HUWE1: variants seen among roughly 807,000 people sequenced by gnomAD.
HUWE1 encodes the protein E3 ubiquitin-protein ligase HUWE1.
In HUWE1, 18 loss-of-function variants were observed where a neutral mutation model predicts 299.4. The observed-to-expected ratio is 0.06, with a 90% CI of 0.04 to 0.09. HUWE1 has a LOEUF of 0.09. Among genes scored for constraint, HUWE1 ranks in the 10% least tolerant of loss-of-function variants. HUWE1 has a pLI of 1.00. For synonymous variants in HUWE1, 1,317 were observed against 1,286.1 expected (o/e 1.02, Z -0.51); for missense variants, 1,832 against 3,462.3 (o/e 0.53, Z 11.82).
At chrX:53,661,538 T>C (rs951064426) in intron 3 of HUWE1, among the ~76,000 whole-genome samples, 6 of 111,444 alleles carry the variant, frequency 5.4e-5, no homozygotes, top group African/African-American at 9.8e-5. Flanking sequence ...TTCTACCTCT[T>C]AGAAGTTAAT....
At chrX:53,578,560 G>A (rs2063346847) in intron 43 of HUWE1, among the ~76,000 whole-genome samples, 2 of 92,018 alleles carry the variant, frequency 2.2e-5, no homozygotes, top group African/African-American at 4.2e-5. Context: ...CCGGCCAGCC[G>A]CCCCGTCCGG....
At position 53,681,430 on chromosome X, in the gene HUWE1, TA is replaced by T. The variant is rs782160350; in HGVS notation, c.-162-1245del. Among the ~76,000 whole-genome samples, 282 of 84,920 alleles carry T rather than the reference TA, an allele frequency of 3.3e-3. 1 individual carries two copies. The highest frequency in any genetic ancestry group is 5.0e-3 in the African/African-American group (114 of 22,887). The allele number at this position is 84,920 out of a possible 115,157, so 73.7% of individuals were successfully genotyped here. ...GCCTGGCGAGAGCAAGACTCCATCT[TA>T]AAAAAAAAAAAAAAAAAGTAAGGAA... is the stretch of plus-strand genomic sequence containing the variant. On this transcript the variant is annotated intron_variant, in intron 2 of 83. Transcript: ENST00000262854.
intron 78 of HUWE1, among the ~76,000 whole-genome samples, chrX:53,537,090 G>A (rs1459128140): frequency 9.0e-6 from 1 of 111,419 alleles, no homozygotes; most frequent in Non-Finnish European, 1.9e-5. Flanking sequence ...CACAGTTGGA[G>A]AGCCCACACC....
chrX:53,657,226 C>T (rs1467085295), intron 3 of HUWE1, among the ~76,000 whole-genome samples: 1 of 112,164 alleles, frequency 8.9e-6, no homozygotes, highest in African/African-American at 3.2e-5. Context: ...ACAAAAAAAG[C>T]TACAACTAAT....
chrX:53,612,848 G>C (rs1010417914), intron 23 of HUWE1, among the ~76,000 whole-genome samples: 1 of 111,923 alleles, frequency 8.9e-6, no homozygotes, highest in African/African-American at 3.3e-5. Flanking sequence ...GAAAGGAAAG[G>C]AGGGTAAGCA....
rs376468177 is a variant in HUWE1, at chrX:53,556,012, A to G, written c.8207-1092T>C. 3.0e-3 allele frequency among the ~76,000 whole-genome samples: 335 copies of G among 112,282 alleles called. 1 individual carries two copies. Among genetic ancestry groups the G allele is most frequent in the Middle Eastern group, 9.2e-3 (2 of 218 alleles). On this transcript the variant is annotated intron_variant, in intron 60 of 83. Coordinates refer to ENST00000262854, the MANE Select transcript of HUWE1 (RefSeq NM_031407.7). The stretch of plus-strand genomic sequence containing the variant: ...GTTCTATTACTAATAAAATGCAATC[A>G]TTACACAGTTGAAGAATAGCAAAAT...
chrX:53,546,669 CCA>C (rs782754576), intron 69 of HUWE1, 33 bp downstream of exon 69: 75 of 1,209,239 alleles, frequency 6.2e-5, no homozygotes, highest in Non-Finnish European at 7.8e-5. Context: ...TCCTTTCTCC[CCA>C]AGTCTTAGCA....
intron 28 of HUWE1, among the ~76,000 whole-genome samples, chrX:53,601,136 T>C (rs1179239397): frequency 4.5e-5 from 5 of 111,424 alleles, no homozygotes; most frequent in Non-Finnish European, 9.4e-5. Context: ...ATTAGTTCCT[T>C]AGAAATTTCC....
At chrX:53,656,402 C>T (rs1325083764) in intron 3 of HUWE1, among the ~76,000 whole-genome samples, 1 of 106,416 alleles carries the variant, frequency 9.4e-6, no homozygotes, top group African/African-American at 3.5e-5. Flanking sequence ...ATTAGCCAGG[C>T]GTGGTGGCGA....
intron 3 of HUWE1, among the ~76,000 whole-genome samples, chrX:53,658,055 A>AAAAAAAAAAAT: frequency 9.3e-6 from 1 of 107,484 alleles, no homozygotes; most frequent in South Asian, 3.9e-4. Context: ...GTCTCAAAAA[A>AAAAAAAAAAAT]AAAAAAAGTC....
chrX:53,601,699 G>A (rs1236987646), intron 28 of HUWE1, among the ~76,000 whole-genome samples: 4 of 96,662 alleles, frequency 4.1e-5, no homozygotes, highest in Non-Finnish European at 8.2e-5. Context: ...GCGGTGTTTC[G>A]CTCTTGTTGC....
At chrX:53,602,058 T>C (rs1237021692) in intron 28 of HUWE1, among the ~76,000 whole-genome samples, 1 of 112,085 alleles carries the variant, frequency 8.9e-6, no homozygotes, top group Non-Finnish European at 1.9e-5. Context: ...GAAACACATA[T>C]ATAATTTAAA....
rs144242491 is a variant in HUWE1, at chrX:53,677,595, T to TA, written c.-25+2453dup. Among the ~76,000 whole-genome samples, 337 of 66,735 alleles carry TA rather than the reference T, an allele frequency of 5.0e-3. 3 individuals carry two copies. The highest frequency in any genetic ancestry group is 0.022 in the East Asian group (52 of 2,377). 58.0% of individuals were successfully genotyped at this position (66,735 alleles called of 115,157 possible). On this transcript the variant is annotated intron_variant, in intron 3 of 83. Transcript: ENST00000262854. ...GCCGTAATAAAGAATATTGGAAGTT[T>TA]AAAAAAAAAAAAAAAAAAAGCAAAG...
intron 3 of HUWE1, among the ~76,000 whole-genome samples, chrX:53,657,107 A>G: frequency 8.9e-6 from 1 of 112,356 alleles, no homozygotes; most frequent in East Asian, 2.8e-4. Context: ...TTTGCAAACC[A>G]TATATAGTAT....
At chrX:53,644,583 T>C (rs1287115522) in intron 7 of HUWE1, among the ~76,000 whole-genome samples, 4 of 112,447 alleles carry the variant, frequency 3.6e-5, no homozygotes, top group African/African-American at 1.3e-4. Flanking sequence ...TACATTTTCC[T>C]AGAATTTTCA....
At chrX:53,547,530 G>A in intron 68 of HUWE1, 143 bp downstream of exon 68, 3 of 913,844 alleles carry the variant, frequency 3.3e-6, no homozygotes, top group Non-Finnish European at 4.5e-6. Context: ...GGACAGATGA[G>A]GGTGAGAATG....
intron 5 of HUWE1, among the ~76,000 whole-genome samples, chrX:53,647,925 C>A (rs996676097): frequency 8.9e-6 from 1 of 112,195 alleles, no homozygotes; most frequent in Non-Finnish European, 1.9e-5. Context: ...AATAAAAATT[C>A]TTCTAAACTA....
chrX:53,550,870 C>G, intron 65 of HUWE1, 31 bp downstream of exon 65: 21 of 1,209,913 alleles, frequency 1.7e-5, no homozygotes, highest in Non-Finnish European at 2.3e-5. Flanking sequence ...CTAAAGCTTT[C>G]CAGAGCCCTC....
intron 36 of HUWE1, 111 bp downstream of exon 36, chrX:53,589,436 A>G: frequency 1.4e-6 from 1 of 698,579 alleles, no homozygotes; most frequent in South Asian, 2.2e-5. Context: ...AATAGAGAAT[A>G]TACCCATATC....
Sources: allele counts gnomAD v4.1 joint callset (sites outside exome capture counted in the v4.1 genomes callset), GRCh38; gene constraint gnomAD v4.1.1; transcripts MANE v1.5; gene names NCBI Gene and HGNC (gene_info 2026-07-23, HGNC 2026-07-21).